FANCB: variants seen among roughly 807,000 people sequenced by gnomAD.
FANCB encodes the protein FA complementation group B.
FANCB carries 5 observed loss-of-function variants against 38.9 expected under a neutral mutation model. The observed-to-expected ratio is 0.13, with a 90% confidence interval of 0.07 to 0.27. The LOEUF (loss-of-function observed/expected upper bound fraction) is 0.27, where lower values mean the gene tolerates loss of function less well. FANCB is among the 10% of genes least tolerant of loss of function. The pLI, the probability that FANCB is intolerant of heterozygous loss-of-function variation, is 1.00. For missense variants in FANCB, 573 were observed against 602.7 expected (o/e 0.95, Z 0.52); for synonymous variants, 236 against 215.4 (o/e 1.10, Z -0.84).
chrX:14,812,934 G>A, the FANCB span, among the ~76,000 whole-genome samples: 54 of 101,789 alleles, frequency 5.3e-4, no homozygotes, highest in African/African-American at 1.6e-3. Context: ...CTGGCAAACC[G>A]AATCCAGCAG....
At chrX:14,795,243 A>G in the FANCB span, among the ~76,000 whole-genome samples, 1 of 111,027 alleles carries the variant, frequency 9.0e-6, no homozygotes, top group Non-Finnish European at 1.9e-5. Flanking sequence ...TTTCATTTCA[A>G]CAAAACGAAA....
chrX:14,750,534 G>A, the FANCB span, among the ~76,000 whole-genome samples: 1 of 111,416 alleles, frequency 9.0e-6, no homozygotes, highest in Non-Finnish European at 1.9e-5. Context: ...TCATATTCCT[G>A]TGGTGAGAAC....
At chrX:14,699,339 C>G in the FANCB span, among the ~76,000 whole-genome samples, 1 of 112,352 alleles carries the variant, frequency 8.9e-6, no homozygotes, top group African/African-American at 3.2e-5. Flanking sequence ...ATAGCCCTGA[C>G]TTCTTTTTGT....
At position 14,844,424 on chromosome X, in the gene FANCB, G is replaced by A. The variant is rs187878798; in HGVS notation, c.2165+79C>T. The A allele has an allele frequency of 1.7e-3, 1,162 of 696,703 alleles. 1 individual carries two copies. Among genetic ancestry groups the A allele is most frequent in the Non-Finnish European group, 2.4e-3 (1,016 of 428,579 alleles). The allele number at this position is 696,703 out of a possible 1,213,427, so 57.4% of individuals were successfully genotyped here. On this transcript the variant is annotated intron_variant, in intron 9 of 9. Coordinates refer to ENST00000650831, the MANE Select transcript of FANCB (RefSeq NM_001018113.3). ...CATGGCAATAATACAAAACACATGC[G>A]GATCGCTGTTGAACCACACATTGAT...
At chrX:14,857,379 T>C (rs1207054788) in intron 5 of FANCB, among the ~76,000 whole-genome samples, 1 of 112,320 alleles carries the variant, frequency 8.9e-6, no homozygotes, top group Non-Finnish European at 1.9e-5. Flanking sequence ...GTTTTTTTTA[T>C]TTTGTTTTGT....
chrX:14,809,100 T>C, the FANCB span, among the ~76,000 whole-genome samples: 6 of 112,363 alleles, frequency 5.3e-5, no homozygotes, highest in African/African-American at 1.6e-4. Flanking sequence ...TGTTAAAGTA[T>C]CCATACTACC....
At chrX:14,754,633 A>G in the FANCB span, among the ~76,000 whole-genome samples, 1 of 110,928 alleles carries the variant, frequency 9.0e-6, no homozygotes, top group Non-Finnish European at 1.9e-5. Context: ...AGAGGGGCTG[A>G]CTCAATCTCA....
the FANCB span, among the ~76,000 whole-genome samples, chrX:14,813,481 A>C: frequency 8.9e-6 from 1 of 111,956 alleles, no homozygotes; most frequent in East Asian, 2.8e-4. Flanking sequence ...CAGGATACAA[A>C]ATCAATGTAC....
Position 14,871,616 on chromosome X carries a change from C to CTA in FANCB, c.-192+1368_-192+1369dup, listed in dbSNP as rs973431715. ...AAAGGAATGAATTAGATCTATCTAT[C>CTA]TATATATGTGTGTGTGTGTGTGTGT... On this transcript the variant is annotated intron_variant, in intron 1 of 9. Coordinates refer to ENST00000650831, the MANE Select transcript of FANCB (RefSeq NM_001018113.3). 8.5e-5 allele frequency among the ~76,000 whole-genome samples: 6 copies of CTA among 70,772 alleles called. No homozygotes were observed. In the East Asian group the frequency reaches 1.9e-3, roughly 22 times the overall value. 61.5% of individuals were successfully genotyped at this position (70,772 alleles called of 115,157 possible). A position where few individuals can be genotyped will look rare whatever the true frequency, so the allele number is the denominator to read the frequency against.
the FANCB span, among the ~76,000 whole-genome samples, chrX:14,721,460 G>A: frequency 2.7e-5 from 3 of 111,173 alleles, no homozygotes; most frequent in Admixed American, 9.6e-5. Flanking sequence ...ATAAGCCCTT[G>A]TTATCTTAGG....
intron 1 of FANCB, among the ~76,000 whole-genome samples, chrX:14,871,622 A>G (rs921894496): frequency 6.6e-5 from 7 of 106,633 alleles, no homozygotes; most frequent in South Asian, 3.9e-4. Flanking sequence ...CTATCTATAT[A>G]TGTGTGTGTG....
At chrX:14,836,684 T>C (rs756016298) in intron 10 of FANCB, among the ~76,000 whole-genome samples, 1 of 112,227 alleles carries the variant, frequency 8.9e-6, no homozygotes, top group African/African-American at 3.2e-5. Context: ...TAGACATTTT[T>C]CTCTGAGATT....
chrX:14,694,487 T>C, the FANCB span, among the ~76,000 whole-genome samples: 1 of 112,179 alleles, frequency 8.9e-6, no homozygotes, highest in South Asian at 3.7e-4. Context: ...TATTTTATTC[T>C]AAGTGATTGG....
the FANCB span, among the ~76,000 whole-genome samples, chrX:14,786,285 G>C: frequency 2.7e-5 from 3 of 111,402 alleles, no homozygotes; most frequent in South Asian, 1.1e-3. Flanking sequence ...GAGGAGGGGA[G>C]ATAGGCGCTT....
intron 2 of FANCB, among the ~76,000 whole-genome samples, chrX:14,865,979 A>G (rs1376663855): frequency 9.0e-6 from 1 of 111,641 alleles, no homozygotes; most frequent in African/African-American, 3.3e-5. Flanking sequence ...TAGAATGACA[A>G]TTCAATTAGG....
At chrX:14,700,965 G>A in the FANCB span, among the ~76,000 whole-genome samples, 1 of 110,137 alleles carries the variant, frequency 9.1e-6, no homozygotes, top group African/African-American at 3.3e-5. Flanking sequence ...TATTCCTTCT[G>A]ATAACTGGGA....
At chrX:14,830,735 G>T in the FANCB span, among the ~76,000 whole-genome samples, 3 of 111,601 alleles carry the variant, frequency 2.7e-5, no homozygotes, top group African/African-American at 9.8e-5. Flanking sequence ...CATGCCACGT[G>T]CCGACATAAA....
At chrX:14,780,267 T>C in the FANCB span, among the ~76,000 whole-genome samples, 2 of 110,943 alleles carry the variant, frequency 1.8e-5, no homozygotes, top group African/African-American at 6.7e-5. Flanking sequence ...TTATTAAATA[T>C]TCCCTACTAT....
chrX:14,823,079 C>CTTTTTTTTTT, the FANCB span, among the ~76,000 whole-genome samples: 91 of 71,069 alleles, frequency 1.3e-3, 2 homozygotes, highest in East Asian at 6.4e-3. Flanking sequence ...TACCCTTTTA[C>CTTTTTTTTTT]TTTTTTTTTT....
Sources: gnomAD v4.1 joint callset for allele counts (sites outside exome capture counted in the v4.1 genomes callset) on GRCh38, gnomAD v4.1.1 for gene constraint, MANE v1.5 for transcripts, NCBI Gene and HGNC (gene_info 2026-07-23, HGNC 2026-07-21) for gene names.